Variants in HS6ST3 observed in about 807,000 individuals in gnomAD.
HS6ST3 encodes the protein heparan sulfate 6-O-sulfotransferase 3, also known as heparan-sulfate 6-O-sulfotransferase 3.
HS6ST3 carries 12 observed loss-of-function variants against 36.7 expected under a neutral mutation model. The observed-to-expected ratio is 0.33, with a 90% CI of 0.21 to 0.53. The LOEUF (loss-of-function observed/expected upper bound fraction) is 0.53, where lower values mean the gene tolerates loss of function less well. HS6ST3 is among the 20% of genes least tolerant of loss of function. HS6ST3 has a pLI of 0.95. For missense variants in HS6ST3, 584 were observed against 640.9 expected (o/e 0.91, Z 0.96); for synonymous variants, 240 against 257.5 (o/e 0.93, Z 0.65).
intron 1 of HS6ST3, among the ~76,000 whole-genome samples, chr13:96,735,334 A>G (rs1876256820): frequency 6.6e-6 from 1 of 152,162 alleles, no homozygotes; most frequent in South Asian, 2.1e-4. Flanking sequence ...GGGATATGAG[A>G]AAGAATGATG....
chr13:96,591,121 G>T (rs2078389606), intron 1 of HS6ST3, among the ~76,000 whole-genome samples: 1 of 151,774 alleles, frequency 6.6e-6, no homozygotes, highest in Non-Finnish European at 1.5e-5. Flanking sequence ...TTTGAAGACA[G>T]GTAAGGTGAC....
chr13:96,377,526 T>G (rs1178408363), intron 1 of HS6ST3, among the ~76,000 whole-genome samples: 1 of 152,218 alleles, frequency 6.6e-6, no homozygotes, highest in East Asian at 1.9e-4. Flanking sequence ...GACATAGTTA[T>G]GAGCACTAAT....
At chr13:96,426,296 A>G (rs906696013) in intron 1 of HS6ST3, among the ~76,000 whole-genome samples, 1 of 152,102 alleles carries the variant, frequency 6.6e-6, no homozygotes, top group Admixed American at 6.5e-5. Flanking sequence ...CAGCTCGTAA[A>G]GCCTATAATT....
At chr13:96,346,932 C>A (rs2055158285) in intron 1 of HS6ST3, among the ~76,000 whole-genome samples, 1 of 152,160 alleles carries the variant, frequency 6.6e-6, no homozygotes, top group Non-Finnish European at 1.5e-5. Context: ...TGCTTGCATG[C>A]TTTGATGAAT....
At chr13:96,608,400 C>T (rs1415445077) in intron 1 of HS6ST3, among the ~76,000 whole-genome samples, 2 of 152,168 alleles carry the variant, frequency 1.3e-5, no homozygotes, top group African/African-American at 2.4e-5. Context: ...CACAGATGAC[C>T]GGATATTACG....
intron 1 of HS6ST3, among the ~76,000 whole-genome samples, chr13:96,191,601 G>C (rs1282902653): frequency 6.6e-6 from 1 of 152,034 alleles, no homozygotes; most frequent in Non-Finnish European, 1.5e-5. Context: ...CTCTCGTGTT[G>C]TTCCTTCCTA....
intron 1 of HS6ST3, among the ~76,000 whole-genome samples, chr13:96,437,099 G>A (rs1242940286): frequency 6.6e-6 from 1 of 152,104 alleles, no homozygotes; most frequent in Non-Finnish European, 1.5e-5. Flanking sequence ...CATAACACAA[G>A]TCACCATGTG....
At chr13:96,705,959 C>T (rs1194338679) in intron 1 of HS6ST3, among the ~76,000 whole-genome samples, 1 of 152,130 alleles carries the variant, frequency 6.6e-6, no homozygotes, top group Non-Finnish European at 1.5e-5. Flanking sequence ...ATCTTCTTTT[C>T]CTTTTAGATA....
chr13:96,547,591 G>C (rs2056202403), intron 1 of HS6ST3, among the ~76,000 whole-genome samples: 1 of 152,240 alleles, frequency 6.6e-6, no homozygotes, highest in Admixed American at 6.5e-5. Context: ...CAAAGAAAGA[G>C]AGAGAGAAAG....
At chr13:96,415,226 G>A (rs748643983) in intron 1 of HS6ST3, among the ~76,000 whole-genome samples, 2 of 152,122 alleles carry the variant, frequency 1.3e-5, no homozygotes, top group Non-Finnish European at 2.9e-5. Flanking sequence ...CTGGGAACAT[G>A]ATGTTCTGTA....
In HS6ST3 at chr13:96,136,705, A is replaced by G. The variant is rs1010335991; in HGVS notation, c.707+45136A>G. ...AACATATATATATATATATATATAT[A>G]TATATATATATATAGTAAAATGGTT... On this transcript the variant is annotated intron_variant, in intron 1 of 1. Transcript: ENST00000376705. Among the ~76,000 whole-genome samples the G allele has an allele frequency of 6.0e-5, 6 of 100,202 alleles. 1 individual carries two copies. Among genetic ancestry groups the G allele is most frequent in the African/African-American group, 2.1e-4 (6 of 29,190 alleles). 65.7% of individuals were successfully genotyped at this position (100,202 alleles called of 152,430 possible).
intron 1 of HS6ST3, among the ~76,000 whole-genome samples, chr13:96,334,221 T>G (rs1340995759): frequency 6.6e-6 from 1 of 152,162 alleles, no homozygotes; most frequent in Non-Finnish European, 1.5e-5. Context: ...TGAATTGTAA[T>G]CCCCAGTGTT....
chr13:96,599,540 A>T (rs1028574880), intron 1 of HS6ST3, among the ~76,000 whole-genome samples: 1 of 151,562 alleles, frequency 6.6e-6, no homozygotes, highest in African/African-American at 2.4e-5. Context: ...TTCTTGGTTA[A>T]TCTAAGTAGT....
chr13:96,733,954 A>C (rs1876221006), intron 1 of HS6ST3, among the ~76,000 whole-genome samples: 1 of 152,060 alleles, frequency 6.6e-6, no homozygotes, highest in African/African-American at 2.4e-5. Context: ...ACAGACTTTA[A>C]ATTTTTCTGT....
chr13:96,294,147 T>C (rs2054843359), intron 1 of HS6ST3, among the ~76,000 whole-genome samples: 1 of 152,120 alleles, frequency 6.6e-6, no homozygotes, highest in African/African-American at 2.4e-5. Context: ...TTCTCTCTTA[T>C]TACACAGAGA....
intron 1 of HS6ST3, among the ~76,000 whole-genome samples, chr13:96,634,774 A>G (rs771859460): frequency 6.6e-6 from 1 of 152,106 alleles, no homozygotes; most frequent in Non-Finnish European, 1.5e-5. Flanking sequence ...ACCACCCACT[A>G]AAGTGGTGTC....
At chr13:96,284,088 G>C (rs2054788399) in intron 1 of HS6ST3, among the ~76,000 whole-genome samples, 1 of 152,164 alleles carries the variant, frequency 6.6e-6, no homozygotes, top group Non-Finnish European at 1.5e-5. Flanking sequence ...TGTGGGACCA[G>C]CTTCCTTTGA....
chr13:96,705,550 C>A (rs981718269), intron 1 of HS6ST3, among the ~76,000 whole-genome samples: 1 of 152,194 alleles, frequency 6.6e-6, no homozygotes, highest in Admixed American at 6.5e-5. Flanking sequence ...CAGTGTCCCT[C>A]TTCCTCCCTT....
rs567811984 is a variant in HS6ST3 at position 96,334,031 on chromosome 13, A to G, written c.707+242462A>G. On this transcript the variant is annotated intron_variant, in intron 1 of 1. Coordinates refer to ENST00000376705, the MANE Select transcript of HS6ST3 (RefSeq NM_153456.4). ...TGGCACCACGGCCTGTAGGGTGGGT[A>G]CACTGTGGCCCAGAATATGAGAGCT... is the stretch of plus-strand genomic sequence containing the variant. Among the ~76,000 whole-genome samples the G allele has an allele frequency of 7.1e-4, 108 of 152,260 alleles. 1 individual carries two copies. The highest frequency in any genetic ancestry group is 2.6e-3 in the African/African-American group (107 of 41,546).
Sources: allele counts gnomAD v4.1 joint callset (sites outside exome capture counted in the v4.1 genomes callset), GRCh38; gene constraint gnomAD v4.1.1; transcripts MANE v1.5; gene names NCBI Gene and HGNC (gene_info 2026-07-23, HGNC 2026-07-21).